Variants in FCMR observed in about 807,000 individuals in gnomAD.
FCMR encodes immunoglobulin mu Fc receptor.
Under a neutral mutation model 41.6 loss-of-function variants are expected in FCMR, and 34 were observed. The observed-to-expected ratio is 0.82, with a 90% CI of 0.62 to 1.09. The LOEUF (loss-of-function observed/expected upper bound fraction) is 1.09. Among genes scored for constraint, FCMR ranks in the 50% least tolerant of loss-of-function variants. The probability of loss-of-function intolerance (pLI) is 0.00; values close to 1 mark genes in which losing one functional copy is unlikely to be tolerated. For missense variants in FCMR, 496 were observed against 512.5 expected (o/e 0.97, Z 0.31); for synonymous variants, 209 against 211.8 (o/e 0.99, Z 0.12).
intron 1 of FCMR, among the ~76,000 whole-genome samples, chr1:206,915,593 G>A (rs572748195): frequency 2.0e-5 from 3 of 152,302 alleles, no homozygotes; most frequent in South Asian, 2.1e-4. Context: ...GGGTAAGGCC[G>A]TGTCTGACTA....
At chr1:206,920,809 CCT>C (rs1679407290) in intron 1 of FCMR, among the ~76,000 whole-genome samples, 1 of 152,196 alleles carries the variant, frequency 6.6e-6, no homozygotes, top group Non-Finnish European at 1.5e-5. Flanking sequence ...CCGTCCATTT[CCT>C]CTGTTACCTT....
In FCMR at chr1:206,905,955, A is replaced by G. The variant is rs1678620623; in HGVS notation, c.1045-808T>C. 3 of 181,022 alleles carry G rather than the reference A, an allele frequency of 1.7e-5. No individual in the cohort carries two copies. In the South Asian group the frequency reaches 4.1e-4, roughly 25 times the overall value. The allele number at this position is 181,022 out of a possible 1,614,324, so 11.2% of individuals were successfully genotyped here. On this transcript the variant is annotated intron_variant, in intron 7 of 7. Coordinates refer to ENST00000367091, the MANE Select transcript of FCMR (RefSeq NM_005449.5). ...CAGTCAAGGAAGTAAGAAGCCACAA[A>G]ACAGAAAAGAAAAAAAGAGAGAAGG...
intron 1 of FCMR, among the ~76,000 whole-genome samples, chr1:206,916,274 C>T (rs1679187266): frequency 6.6e-6 from 1 of 152,240 alleles, no homozygotes; most frequent in Non-Finnish European, 1.5e-5. Context: ...GGAGGAATCA[C>T]CCTGTGCATC....
At chr1:206,907,109 G>A (rs1461054449) in intron 7 of FCMR, among the ~76,000 whole-genome samples, 1 of 122,506 alleles carries the variant, frequency 8.2e-6, no homozygotes, top group African/African-American at 3.0e-5. Flanking sequence ...GGGGTGGGGG[G>A]GGGGTGGGGG....
intron 4 of FCMR, 89 bp downstream of exon 4, chr1:206,911,641 G>T: frequency 8.1e-7 from 1 of 1,240,686 alleles, no homozygotes; most frequent in Admixed American, 1.8e-5. Flanking sequence ...ACAAAGCCAA[G>T]GAGGGTGTCT....
chr1:206,916,572 A>G (rs1315009749), intron 1 of FCMR, among the ~76,000 whole-genome samples: 1 of 152,244 alleles, frequency 6.6e-6, no homozygotes, highest in Non-Finnish European at 1.5e-5. Context: ...GCTGCTGGCT[A>G]TGCTGAGCTC....
Position 206,909,700 on chromosome 1 carries a change from C to T in FCMR, c.985+25G>A, listed in dbSNP as rs755335834. The T allele has an allele frequency of 7.1e-7, 1 of 1,406,202 alleles. No individual in the cohort carries two copies. Among genetic ancestry groups the T allele is most frequent in the Admixed American group, 3.5e-5 (1 of 28,488 alleles). 87.1% of individuals were successfully genotyped at this position (1,406,202 alleles called of 1,614,324 possible). ...GAGCCAGCGCACTCTTTCCGCTACTCCCCGTGGCCCGCCCGGCGGCTCACC... is the reference window on the plus strand; with the variant it reads ...GAGCCAGCGCACTCTTTCCGCTACTTCCCGTGGCCCGCCCGGCGGCTCACC... On this transcript the variant is annotated intron_variant, in intron 6 of 7. Coordinates refer to ENST00000367091, the MANE Select transcript of FCMR (RefSeq NM_005449.5). The surrounding 1 kb of genome is among the most constrained non-coding windows in gnomAD (Gnocchi z 5.0).
Position 206,909,621 on chromosome 1 carries a change from C to G in FCMR, c.986-101G>C, listed in dbSNP as rs572935194. On this transcript the variant is annotated intron_variant, in intron 6 of 7. Coordinates refer to ENST00000367091, the MANE Select transcript of FCMR (RefSeq NM_005449.5). The surrounding 1 kb of genome is among the most constrained non-coding windows in gnomAD (Gnocchi z 5.0). ...ACCCCCGCCCCACTCCCAGCTCCAC[C>G]CTGTGGGAAGCCCTGGCACCTGGGA... 7.6e-7 allele frequency: 1 copy of G among 1,310,940 alleles called. No homozygotes were observed. Among genetic ancestry groups the G allele is most frequent in the Non-Finnish European group, 9.8e-7 (1 of 1,022,042 alleles). 81.2% of individuals were successfully genotyped at this position (1,310,940 alleles called of 1,614,324 possible). A position where few individuals can be genotyped will look rare whatever the true frequency, so the allele number is the denominator to read the frequency against.
chr1:206,921,401 G>C (rs954293173), intron 1 of FCMR: 6 of 449,144 alleles, frequency 1.3e-5, no homozygotes, highest in Non-Finnish European at 2.2e-5. Flanking sequence ...ACAAGTTCAA[G>C]ACCATCCTGG....
At chr1:206,914,428 C>T (rs1287108824) in intron 1 of FCMR, among the ~76,000 whole-genome samples, 3 of 129,940 alleles carry the variant, frequency 2.3e-5, no homozygotes, top group African/African-American at 6.0e-5. Flanking sequence ...TCCTTCCTTC[C>T]TTTCTTTTCT....
In FCMR at chr1:206,909,551, C is replaced by A; in HGVS notation, c.986-31G>T. 7.6e-7 allele frequency: 1 copy of A among 1,314,326 alleles called. No homozygotes were observed. The highest frequency in any genetic ancestry group is 4.1e-5 in the Admixed American group (1 of 24,154). The allele number at this position is 1,314,326 out of a possible 1,614,324, so 81.4% of individuals were successfully genotyped here. ...GAACAGCGAGGGCGAGGTGAGGCGG[C>A]GGCCGAGGCTCCCGCCCCACCGTCA... is the stretch of plus-strand genomic sequence containing the variant. On this transcript the variant is annotated intron_variant, in intron 6 of 7. Transcript: ENST00000367091. This position sits in a 1 kb window ranked among gnomAD's most constrained non-coding sequence, Gnocchi z 5.0.
At chr1:206,913,086 A>T in intron 2 of FCMR, 44 bp from the exon 3 acceptor site, 1 of 1,464,372 alleles carries the variant, frequency 6.8e-7, no homozygotes, top group Non-Finnish European at 9.6e-7. Context: ...CTAGGGGGAG[A>T]CTGAGGCTTG....
upstream of FCMR, among the ~76,000 whole-genome samples, chr1:206,922,985 T>C (rs148286570): frequency 6.7e-4 from 102 of 152,318 alleles, no homozygotes; most frequent in African/African-American, 2.1e-3. Flanking sequence ...GGCATGGAAG[T>C]GCTTTAAGAA....
In FCMR at chr1:206,913,967, A is replaced by G; in HGVS notation, c.165T>C (p.Ser55=). 6.2e-7 allele frequency: 1 copy of G among 1,614,264 alleles called. No homozygotes were observed. Residue 55 remains serine (S), a synonymous_variant, in exon 2 of 8, where the codon TCT becomes TCC. Coordinates refer to ENST00000367091, the MANE Select transcript of FCMR (RefSeq NM_005449.5). ...RIYLCREMAG[S]GTCGTVVSTT... ...TGGATACCACGGTACCACATGTTCC[A>G]GATCCAGCCATCTCCCGGCACAGAT...
Position 206,909,573 on chromosome 1 carries a change from G to T in FCMR, c.986-53C>A, listed in dbSNP as rs1043698268. 7.8e-7 allele frequency: 1 copy of T among 1,275,702 alleles called. No homozygotes were observed. Among genetic ancestry groups the T allele is most frequent in the Non-Finnish European group, 1.0e-6 (1 of 996,512 alleles). The allele number at this position is 1,275,702 out of a possible 1,614,324, so 79.0% of individuals were successfully genotyped here. ...CGGCGGCCGAGGCTCCCGCCCCACCGTCATGCTACTACTCCCAGCTCCACC... is the reference window on the plus strand; with the variant it reads ...CGGCGGCCGAGGCTCCCGCCCCACCTTCATGCTACTACTCCCAGCTCCACC... On this transcript the variant is annotated intron_variant, in intron 6 of 7. Transcript: ENST00000367091. The surrounding 1 kb of genome is among the most constrained non-coding windows in gnomAD (Gnocchi z 5.0).
chr1:206,912,415 T>G (rs1678981854), intron 3 of FCMR, among the ~76,000 whole-genome samples: 1 of 152,224 alleles, frequency 6.6e-6, no homozygotes, highest in African/African-American at 2.4e-5. Flanking sequence ...TATGGGATAA[T>G]ATGATGGAAA....
intron 4 of FCMR, among the ~76,000 whole-genome samples, chr1:206,910,601 A>G (rs368910833): frequency 5.9e-5 from 9 of 152,214 alleles, no homozygotes; most frequent in Admixed American, 4.6e-4. Context: ...CTCCATAAAT[A>G]GGTATAGTAA....
At chr1:206,916,680 T>A (rs1679207141) in intron 1 of FCMR, among the ~76,000 whole-genome samples, 2 of 152,258 alleles carry the variant, frequency 1.3e-5, no homozygotes, top group African/African-American at 4.8e-5. Context: ...TCTAACCTAT[T>A]CCCAAGACTT....
intron 1 of FCMR, chr1:206,921,426 C>A: frequency 2.3e-6 from 1 of 436,900 alleles, no homozygotes; most frequent in Non-Finnish European, 4.6e-6. Context: ...CACAGCAAGA[C>A]TCCATCTCTA....
Sources: allele counts gnomAD v4.1 joint callset (sites outside exome capture counted in the v4.1 genomes callset), GRCh38; gene constraint gnomAD v4.1.1; non-coding constraint Gnocchi (gnomAD v3.1); transcripts MANE v1.5; gene names NCBI Gene and HGNC (gene_info 2026-07-23, HGNC 2026-07-21).